Variants in DCLK1 observed in about 807,000 individuals in gnomAD.
DCLK1 encodes the protein serine/threonine-protein kinase DCLK1.
A neutral mutation model predicts 86.2 loss-of-function variants in DCLK1; 16 were observed. The observed-to-expected ratio is 0.19, with a 90% CI of 0.13 to 0.28. The LOEUF is 0.28. Ranked by LOEUF, DCLK1 falls within the 10% of genes least tolerant of loss-of-function variation. DCLK1 has a pLI of 1.00. For synonymous variants in DCLK1, 369 were observed against 370.5 expected (o/e 1.00, Z 0.05); for missense variants, 590 against 940.2 (o/e 0.63, Z 4.87).
At position 36,079,410 on chromosome 13, in the gene DCLK1, G is replaced by A. The variant is rs142650540; in HGVS notation, c.723+32459C>T. On this transcript the variant is annotated intron_variant, in intron 3 of 16. Transcript: ENST00000360631. ...TTTGGGAGGCTGAGGCGGGAGGATC[G>A]CCTCAGGTCAGGAGTTTGAGACCAG... Among the ~76,000 whole-genome samples the A allele has an allele frequency of 6.0e-3, 910 of 152,110 alleles. 9 individuals are homozygous for A. Among genetic ancestry groups the A allele is most frequent in the African/African-American group, 0.021 (856 of 41,546 alleles).
At chr13:35,833,036 C>T (rs1326088555) in intron 8 of DCLK1, among the ~76,000 whole-genome samples, 1 of 152,088 alleles carries the variant, frequency 6.6e-6, no homozygotes, top group Non-Finnish European at 1.5e-5. Context: ...TTTGGTGACC[C>T]TAAGATCTCT....
intron 3 of DCLK1, among the ~76,000 whole-genome samples, chr13:35,992,469 T>G (rs1880280696): frequency 6.6e-6 from 1 of 151,948 alleles, no homozygotes; most frequent in Non-Finnish European, 1.5e-5. Context: ...TGTTGGGGGC[T>G]TAAAAGAGGA....
chr13:36,064,410 C>T (rs1883670653), intron 3 of DCLK1, among the ~76,000 whole-genome samples: 1 of 152,138 alleles, frequency 6.6e-6, no homozygotes, highest in African/African-American at 2.4e-5. Flanking sequence ...CCTGTAATCC[C>T]AGTACTTTGG....
chr13:35,846,286 A>G, intron 6 of DCLK1: 3 of 985,226 alleles, frequency 3.0e-6, no homozygotes, highest in Non-Finnish European at 3.6e-6. Context: ...AAGAGTTCTT[A>G]GAAAAAATAA....
At chr13:36,023,901 C>CTTTCTTTTT (rs573748537) in intron 3 of DCLK1, among the ~76,000 whole-genome samples, 2 of 128,534 alleles carry the variant, frequency 1.6e-5, no homozygotes, top group Non-Finnish European at 3.2e-5. Flanking sequence ...TTCTTTCTTT[C>CTTTCTTTTT]TTTTTTTTTT....
chr13:35,982,681 C>T (rs1461605484), intron 3 of DCLK1, among the ~76,000 whole-genome samples: 3 of 152,142 alleles, frequency 2.0e-5, no homozygotes. Context: ...AAATCTAAAA[C>T]CTGATTGTTA....
At chr13:36,036,286 A>G (rs1882487958) in intron 3 of DCLK1, among the ~76,000 whole-genome samples, 1 of 152,202 alleles carries the variant, frequency 6.6e-6, no homozygotes, top group African/African-American at 2.4e-5. Flanking sequence ...ACTGCCTAAG[A>G]GGTAGCCCTC....
At chr13:35,814,484 A>G (rs896850027) in intron 11 of DCLK1, among the ~76,000 whole-genome samples, 4 of 152,222 alleles carry the variant, frequency 2.6e-5, no homozygotes, top group African/African-American at 9.6e-5. Flanking sequence ...ATCTTTCAGA[A>G]AGGGCATGAG....
intron 3 of DCLK1, among the ~76,000 whole-genome samples, chr13:36,004,597 TTTTG>T (rs1396096520): frequency 2.0e-5 from 3 of 152,176 alleles, no homozygotes; most frequent in African/African-American, 7.2e-5. Context: ...TGTTGTTTTG[TTTTG>T]TTTCTTTTTT....
chr13:35,829,539 A>C (rs1393276840), intron 8 of DCLK1, among the ~76,000 whole-genome samples: 1 of 152,156 alleles, frequency 6.6e-6, no homozygotes, highest in Non-Finnish European at 1.5e-5. Context: ...ACAGCAAGAA[A>C]ATGATTTGCC....
At chr13:35,978,363 GC>G (rs1879462466) in intron 3 of DCLK1, among the ~76,000 whole-genome samples, 1 of 151,474 alleles carries the variant, frequency 6.6e-6, no homozygotes, top group Non-Finnish European at 1.5e-5. Flanking sequence ...GCGACATCAC[GC>G]CCGGCTAATT....
intron 2 of DCLK1, 59 bp from the exon 3 acceptor site, chr13:36,112,274 T>G: frequency 7.6e-7 from 1 of 1,321,260 alleles, no homozygotes; most frequent in South Asian, 1.6e-5. Flanking sequence ...TCTTTTTTCC[T>G]ACTTATCCTC....
chr13:36,045,328 G>GTATATA lies in DCLK1; in HGVS notation c.723+66540_723+66541insTATATA, dbSNP rs1257247083. 6.0e-4 allele frequency among the ~76,000 whole-genome samples: 27 copies of GTATATA among 45,206 alleles called. 1 individual carries two copies. The highest frequency in any genetic ancestry group is 1.0e-3 in the Non-Finnish European group (26 of 25,810). 29.7% of individuals were successfully genotyped at this position (45,206 alleles called of 152,430 possible). The stretch of plus-strand genomic sequence containing the variant: ...TATATATGTCTATATATGTGTGTGT[G>GTATATA]TGTGTATATATATATATATATATAT... On this transcript the variant is annotated intron_variant, in intron 3 of 16. Coordinates refer to ENST00000360631, the MANE Select transcript of DCLK1 (RefSeq NM_001330071.2).
intron 4 of DCLK1, among the ~76,000 whole-genome samples, chr13:35,884,781 G>A (rs1873128796): frequency 6.6e-6 from 1 of 152,104 alleles, no homozygotes; most frequent in African/African-American, 2.4e-5. Context: ...GAGTTTCTGG[G>A]GACCACACAG....
At chr13:35,951,327 G>A (rs891927990) in intron 3 of DCLK1, among the ~76,000 whole-genome samples, 1 of 151,548 alleles carries the variant, frequency 6.6e-6, no homozygotes, top group Non-Finnish European at 1.5e-5. Context: ...GATATGGATA[G>A]ATGGACGGAT....
At chr13:35,862,692 T>C (rs1871492282) in intron 5 of DCLK1, among the ~76,000 whole-genome samples, 1 of 152,244 alleles carries the variant, frequency 6.6e-6, no homozygotes, top group Non-Finnish European at 1.5e-5. Flanking sequence ...CCTGCATTTT[T>C]ATTGAACAAG....
intron 3 of DCLK1, among the ~76,000 whole-genome samples, chr13:36,064,629 A>G (rs1179898679): frequency 6.6e-6 from 1 of 151,280 alleles, no homozygotes; most frequent in African/African-American, 2.4e-5. Flanking sequence ...ACTGCACTCC[A>G]GCCTGGCGAC....
At chr13:35,959,679 A>G (rs1395289278) in intron 3 of DCLK1, among the ~76,000 whole-genome samples, 1 of 152,196 alleles carries the variant, frequency 6.6e-6, no homozygotes, top group Non-Finnish European at 1.5e-5. Flanking sequence ...GGAGAATTCC[A>G]GCAGCCATGG....
chr13:35,798,548 C>T (rs1291636998), intron 15 of DCLK1, among the ~76,000 whole-genome samples: 1 of 152,204 alleles, frequency 6.6e-6, no homozygotes, highest in Non-Finnish European at 1.5e-5. Context: ...TAACCATCCC[C>T]ACCTGCACGG....
Sources: gnomAD v4.1 joint callset for allele counts (sites outside exome capture counted in the v4.1 genomes callset) on GRCh38, gnomAD v4.1.1 for gene constraint, MANE v1.5 for transcripts, NCBI Gene and HGNC (gene_info 2026-07-23, HGNC 2026-07-21) for gene names.